The following SVIL variants were observed in gnomAD, a reference collection of about 807,000 sequenced individuals.
The protein encoded by SVIL is archvillin.
Under a neutral mutation model 240.4 loss-of-function variants are expected in SVIL, and 101 were observed. The ratio of observed to expected loss-of-function variants is 0.42; its 90% confidence interval spans 0.36 to 0.50. The LOEUF is 0.50. Among genes scored for constraint, SVIL ranks in the 20% least tolerant of loss-of-function variants. SVIL has a pLI of 0.01. For synonymous variants in SVIL, 999 were observed against 1,100.0 expected, an observed-to-expected ratio of 0.91 and a Z score of 1.82; for missense variants, 2,512 against 2,818.7, an observed-to-expected ratio of 0.89 and a Z score of 2.46.
chr10:29,512,661 A>C, intron 17 of SVIL, 74 bp downstream of exon 17: 1 of 1,610,686 alleles, frequency 6.2e-7, no homozygotes, highest in Middle Eastern at 1.7e-4. Context: ...ATTAGGTGGC[A>C]CACGCTTGTC....
chr10:29,572,995 G>A (rs1955517168), intron 1 of SVIL, among the ~76,000 whole-genome samples: 1 of 151,766 alleles, frequency 6.6e-6, no homozygotes, highest in African/African-American at 2.4e-5. Context: ...TTATTATTAA[G>A]GAATAAGTCT....
intron 30 of SVIL, among the ~76,000 whole-genome samples, chr10:29,472,853 T>C (rs1170527447): frequency 6.6e-6 from 1 of 151,760 alleles, no homozygotes; most frequent in African/African-American, 2.4e-5. Flanking sequence ...CTTTAGGTGG[T>C]GGGAAGTGCT....
At chr10:29,548,436 G>T (rs1952898614) in intron 6 of SVIL, among the ~76,000 whole-genome samples, 2 of 152,098 alleles carry the variant, frequency 1.3e-5, no homozygotes, top group Non-Finnish European at 2.9e-5. Context: ...TAAGTAAATT[G>T]CACTTTTAAT....
At chr10:29,614,357 C>A (rs749034549) in intron 1 of SVIL, among the ~76,000 whole-genome samples, 23 of 152,160 alleles carry the variant, frequency 1.5e-4, no homozygotes, top group Non-Finnish European at 2.5e-4. Context: ...AAGACACATG[C>A]ACACATATGA....
chr10:29,575,397 T>A (rs1295923879), intron 1 of SVIL: 3 of 216,424 alleles, frequency 1.4e-5, no homozygotes, highest in Non-Finnish European at 3.0e-5. Context: ...AGGTAACAAT[T>A]GTGAGACAAG....
chr10:29,620,817 C>T (rs890984521), intron 1 of SVIL, among the ~76,000 whole-genome samples: 4 of 152,124 alleles, frequency 2.6e-5, no homozygotes, highest in African/African-American at 9.7e-5. Flanking sequence ...TGGGGTTTCA[C>T]CATGTTGGCC....
chr10:29,569,369 G>T, intron 1 of SVIL, 57 bp from the exon 2 acceptor site: 1 of 896,082 alleles, frequency 1.1e-6, no homozygotes, highest in South Asian at 5.1e-5. Flanking sequence ...TTAAAAATCC[G>T]GTGAGAAAAA....
At chr10:29,500,427 C>T (rs545639663) in intron 17 of SVIL, among the ~76,000 whole-genome samples, 42 of 152,220 alleles carry the variant, frequency 2.8e-4, no homozygotes, top group South Asian at 8.3e-4. Context: ...GCAGAAGGCA[C>T]GTCCCTGGCT....
intron 16 of SVIL, among the ~76,000 whole-genome samples, chr10:29,515,704 A>T (rs1950155998): frequency 6.6e-6 from 1 of 152,184 alleles, no homozygotes; most frequent in African/African-American, 2.4e-5. Context: ...GATCAAATTC[A>T]TCTTCCTGAG....
At chr10:29,717,120 C>T (rs1419177006) in intron 1 of SVIL, among the ~76,000 whole-genome samples, 2 of 151,180 alleles carry the variant, frequency 1.3e-5, no homozygotes, top group Non-Finnish European at 2.9e-5. Context: ...GTGGTCCCAG[C>T]TACTCGGGAG....
At chr10:29,614,150 A>G (rs1281646780) in intron 1 of SVIL, among the ~76,000 whole-genome samples, 1 of 152,232 alleles carries the variant, frequency 6.6e-6, no homozygotes, top group African/African-American at 2.4e-5. Flanking sequence ...AAAGGATATT[A>G]AATCATTTCC....
intron 1 of SVIL, among the ~76,000 whole-genome samples, chr10:29,730,534 A>G (rs897435721): frequency 6.6e-6 from 1 of 152,340 alleles, no homozygotes; most frequent in South Asian, 2.1e-4. Flanking sequence ...GAGCATCTCA[A>G]GTGAAAACGT....
chr10:29,467,177 A>G (rs1945024797), intron 33 of SVIL: 2 of 152,440 alleles, frequency 1.3e-5, no homozygotes, highest in African/African-American at 4.8e-5. Context: ...TACACACCTA[A>G]CCTCACTCTG....
intron 2 of SVIL, among the ~76,000 whole-genome samples, chr10:29,681,384 T>C (rs898393545): frequency 1.3e-5 from 2 of 149,562 alleles, no homozygotes; most frequent in African/African-American, 2.5e-5. Context: ...TGCAAAGGCA[T>C]GATGACCTCT....
intron 30 of SVIL, chr10:29,473,543 A>T: frequency 2.3e-6 from 1 of 434,634 alleles, no homozygotes; most frequent in South Asian, 2.9e-5. Flanking sequence ...CAGTGCCTTG[A>T]TTGGTTAGGT....
intron 30 of SVIL, among the ~76,000 whole-genome samples, chr10:29,472,736 G>T (rs4749436): frequency 0.37 from 56,429 of 151,404 alleles, 10,758 homozygotes; most frequent in East Asian, 0.54. Flanking sequence ...CCTTGGATCT[G>T]GGCAGCAGTC....
chr10:29,502,754 G>A (rs76747460), intron 17 of SVIL, among the ~76,000 whole-genome samples: 2 of 152,170 alleles, frequency 1.3e-5, no homozygotes, highest in Non-Finnish European at 2.9e-5. Flanking sequence ...TCTTAGGGAT[G>A]GTCAGATATT....
At position 29,700,060 on chromosome 10, in the gene SVIL, G is replaced by GA. The variant is rs1212579697; in HGVS notation, c.-399-13410dup. 2.0e-5 allele frequency among the ~76,000 whole-genome samples: 3 copies of GA among 152,280 alleles called. 1 individual carries two copies. In the South Asian group the frequency reaches 6.2e-4, roughly 32 times the overall value. On this transcript the variant is annotated intron_variant, in intron 1 of 35. Coordinates refer to the SVIL transcript ENST00000375400. ...TGAAAAAGTAAGATATGACACACTA[G>GA]AGAGTAAAAACATAGACGAAATAAA... is the stretch of plus-strand genomic sequence containing the variant.
chr10:29,470,530 G>A (rs913858405), intron 31 of SVIL, 47 bp from the exon 32 acceptor site: 1 of 1,605,670 alleles, frequency 6.2e-7, no homozygotes, highest in African/African-American at 1.3e-5. Flanking sequence ...GTGAGCGAGT[G>A]GCAGCAAACG....
Sources: allele counts gnomAD v4.1 joint callset (sites outside exome capture counted in the v4.1 genomes callset), GRCh38; gene constraint gnomAD v4.1.1; transcripts MANE v1.5; gene names NCBI Gene and HGNC (gene_info 2026-07-23, HGNC 2026-07-21).